Variants in PPFIA1 observed in about 807,000 individuals in gnomAD.
PPFIA1 encodes PPFI scaffold protein A1, also known as liprin-alpha-1.
PPFIA1 carries 25 observed loss-of-function variants against 149.9 expected under a neutral mutation model. That is an observed-to-expected ratio of 0.17 (90% CI 0.12 to 0.23). The LOEUF (loss-of-function observed/expected upper bound fraction) is 0.23. Among genes scored for constraint, PPFIA1 ranks in the 10% least tolerant of loss-of-function variants. The pLI is 1.00. For synonymous variants in PPFIA1, 549 were observed against 552.8 expected, an observed-to-expected ratio of 0.99 and a Z score of 0.10; for missense variants, 1,362 against 1,506.5, an observed-to-expected ratio of 0.90 and a Z score of 1.59.
At chr11:70,355,443 CAGAG>C (rs1156620607) in intron 17 of PPFIA1, among the ~76,000 whole-genome samples, 192 bp from the exon 18 acceptor site, 3 of 152,118 alleles carry the variant, frequency 2.0e-5, no homozygotes, top group African/African-American at 7.2e-5. Context: ...AGCTCCATGT[CAGAG>C]AGAGTCTCAG....
chr11:70,335,674 A>G lies in PPFIA1; in HGVS notation c.1408A>G (p.Met470Val). ...GCTTCAACTTCATCTTAAAGAGAGAATGGCTGCTTTGGAAGATAAGGTAAG... is the reference window on the plus strand; with the variant it reads ...GCTTCAACTTCATCTTAAAGAGAGAGTGGCTGCTTTGGAAGATAAGGTAAG... ...ERLQLHLKER[M>V]AALEDKNSLL... is the part of the protein sequence containing the mutation. The change falls in exon 11 of 28, where the codon ATG (methionine) becomes GTG (valine). Residue 470 changes from methionine (M) to valine (V), a missense_variant. This residue lies in a region of PPFIA1 where 733 missense variants were observed against 744.1 expected (regional missense o/e 0.99). Transcript: ENST00000253925. 6.2e-7 allele frequency: 1 copy of G among 1,614,044 alleles called. No individual in the cohort carries two copies. The highest frequency in any genetic ancestry group is 8.5e-7 in the Non-Finnish European group (1 of 1,179,948).
At chr11:70,347,413 A>T (rs987325774) in intron 15 of PPFIA1, among the ~76,000 whole-genome samples, 2 of 152,202 alleles carry the variant, frequency 1.3e-5, no homozygotes, top group African/African-American at 4.8e-5. Context: ...ATTAAAAAAG[A>T]TTGAGGCCAG....
At chr11:70,333,876 C>T (rs1406139250) in intron 10 of PPFIA1, among the ~76,000 whole-genome samples, 1 of 152,072 alleles carries the variant, frequency 6.6e-6, no homozygotes, top group Non-Finnish European at 1.5e-5. Flanking sequence ...ACCGGCGTGG[C>T]CCCCCTACCC....
intron 2 of PPFIA1, among the ~76,000 whole-genome samples, chr11:70,288,661 A>G (rs1056693308): frequency 4.6e-5 from 7 of 152,088 alleles, no homozygotes; most frequent in African/African-American, 1.7e-4. Flanking sequence ...TCCTTTGTTC[A>G]CTTTCCAGCT....
intron 1 of PPFIA1, among the ~76,000 whole-genome samples, chr11:70,271,492 T>C (rs2050087922): frequency 6.6e-6 from 1 of 152,030 alleles, no homozygotes; most frequent in African/African-American, 2.4e-5. Context: ...CCCCCGGCTG[T>C]ATCGACCTGC....
intron 2 of PPFIA1, among the ~76,000 whole-genome samples, chr11:70,317,076 A>G (rs2053678429): frequency 6.6e-6 from 1 of 152,230 alleles, no homozygotes; most frequent in African/African-American, 2.4e-5. Flanking sequence ...TATTTCAGAA[A>G]ATACTTGACA....
Position 70,383,392 on chromosome 11 carries a change from A to T in PPFIA1, c.*402A>T, listed in dbSNP as rs1192286651. The T allele has an allele frequency of 5.6e-6, 1 of 178,594 alleles. No homozygotes were observed. The highest frequency in any genetic ancestry group is 1.2e-5 in the Non-Finnish European group (1 of 86,054). 11.1% of individuals were successfully genotyped at this position (178,594 alleles called of 1,614,324 possible). Reference sequence around the variant, plus strand: ...TTATGCATTTATTGTAATTATCATTAATTTTTTAATGATAAACCATGACAA... The same window carrying T: ...TTATGCATTTATTGTAATTATCATTTATTTTTTAATGATAAACCATGACAA... On this transcript the variant is annotated 3_prime_UTR_variant, in exon 28 of 28. Coordinates refer to ENST00000253925, the MANE Select transcript of PPFIA1 (RefSeq NM_003626.5).
At chr11:70,356,124 C>G in intron 18 of PPFIA1, 37 bp from the exon 19 acceptor site, 2 of 1,484,086 alleles carry the variant, frequency 1.3e-6, no homozygotes, top group Non-Finnish European at 1.9e-6. Context: ...CTTTGTCATG[C>G]TGATTTTTAC....
chr11:70,351,662 G>T (rs1309110676), intron 16 of PPFIA1, among the ~76,000 whole-genome samples: 1 of 152,164 alleles, frequency 6.6e-6, no homozygotes, highest in African/African-American at 2.4e-5. Context: ...GGTTTGGGAT[G>T]CTCAACCCGT....
chr11:70,377,923 C>A, intron 25 of PPFIA1, 107 bp from the exon 26 acceptor site: 1 of 901,328 alleles, frequency 1.1e-6, no homozygotes, highest in Non-Finnish European at 1.7e-6. Context: ...TACATGTGGA[C>A]AAGAATACAT....
At chr11:70,374,777 T>G (rs1285312153) in intron 23 of PPFIA1, 141 bp from the exon 24 acceptor site, 2 of 691,006 alleles carry the variant, frequency 2.9e-6, no homozygotes, top group African/African-American at 1.8e-5. Context: ...TGGTTGTCTA[T>G]TTAGCAGTGT....
chr11:70,300,055 C>T (rs1257589394), intron 2 of PPFIA1, among the ~76,000 whole-genome samples: 7 of 140,132 alleles, frequency 5.0e-5, no homozygotes, highest in Admixed American at 1.4e-4. Context: ...CTGCCCCTTC[C>T]ACCCGCCCCA....
intron 2 of PPFIA1, among the ~76,000 whole-genome samples, chr11:70,315,910 C>G (rs1460828951): frequency 6.6e-6 from 1 of 151,986 alleles, no homozygotes; most frequent in Non-Finnish European, 1.5e-5. Flanking sequence ...AGACACCTAC[C>G]ATTCTATTTT....
chr11:70,369,837 G>C (rs572529745), intron 21 of PPFIA1, among the ~76,000 whole-genome samples: 1 of 152,060 alleles, frequency 6.6e-6, no homozygotes, highest in African/African-American at 2.4e-5. Context: ...AGGTCTCGCT[G>C]TGTTGCCCAG....
intron 2 of PPFIA1, among the ~76,000 whole-genome samples, chr11:70,287,727 T>C (rs1293757445): frequency 6.6e-6 from 1 of 151,840 alleles, no homozygotes; most frequent in African/African-American, 2.4e-5. Flanking sequence ...CACCGTATTC[T>C]CAGCCTCCCT....
intron 2 of PPFIA1, among the ~76,000 whole-genome samples, chr11:70,307,756 C>CA (rs965558668): frequency 4.3e-5 from 6 of 140,914 alleles, no homozygotes; most frequent in Admixed American, 6.9e-5. Flanking sequence ...CTTACCTCTA[C>CA]AAAAAAAATT....
chr11:70,272,508 TTAA>T (rs1383889670), intron 2 of PPFIA1, 72 bp downstream of exon 2: 10 of 1,461,524 alleles, frequency 6.8e-6, no homozygotes, highest in Non-Finnish European at 9.2e-6. Context: ...TCATCTTTTG[TTAA>T]TGTTTCAGAT....
At chr11:70,349,801 A>C in intron 16 of PPFIA1, 1 of 396,074 alleles carries the variant, frequency 2.5e-6, no homozygotes, top group South Asian at 1.8e-5. Flanking sequence ...GAGAATTCGT[A>C]AAAACAGTTG....
chr11:70,325,461 TACAC>T (rs113854811), intron 4 of PPFIA1, 35 bp from the exon 5 acceptor site: 74 of 1,343,706 alleles, frequency 5.5e-5, no homozygotes, highest in African/African-American at 1.3e-4. Context: ...ATAAACAGTA[TACAC>T]ACACACACAC....
Sources: allele counts gnomAD v4.1 joint callset (sites outside exome capture counted in the v4.1 genomes callset), GRCh38; gene constraint gnomAD v4.1.1; regional missense constraint gnomAD v4.1.1; transcripts MANE v1.5; gene names NCBI Gene and HGNC (gene_info 2026-07-23, HGNC 2026-07-21).